The following UBAC2 variants were observed in gnomAD, a reference collection of about 807,000 sequenced individuals.
UBAC2 encodes ubiquitin-associated domain-containing protein 2.
A neutral mutation model predicts 44.0 loss-of-function variants in UBAC2; 26 were observed. That is an observed-to-expected ratio of 0.59 (90% confidence interval 0.43 to 0.82). The LOEUF (loss-of-function observed/expected upper bound fraction) is 0.82, where lower values mean the gene tolerates loss of function less well. Among genes scored for constraint, UBAC2 ranks in the 40% least tolerant of loss-of-function variants. UBAC2 has a pLI of 0.00. For synonymous variants in UBAC2, 155 were observed against 154.3 expected (o/e 1.00, Z -0.04); for missense variants, 329 against 419.4 (o/e 0.78, Z 1.88).
At position 99,247,195 on chromosome 13, in the gene UBAC2, GTTT is replaced by G. The variant is rs397947831; in HGVS notation, c.389+2582_389+2584del. On this transcript the variant is annotated intron_variant, in intron 4 of 8. Coordinates refer to ENST00000403766, the MANE Select transcript of UBAC2 (RefSeq NM_001144072.2). ...CAAAAACTAAAGAGAGAAAACTACT[GTTT>G]TTTTTTTTTTGTTTTGTTTTGTTTT... Among the ~76,000 whole-genome samples, 3 of 95,376 alleles carry G rather than the reference GTTT, an allele frequency of 3.1e-5. No individual in the cohort carries two copies. In the South Asian group the frequency reaches 8.3e-4, roughly 26 times the overall value. 62.6% of individuals were successfully genotyped at this position (95,376 alleles called of 152,430 possible).
At chr13:99,271,905 A>T (rs1354470094) in intron 4 of UBAC2, among the ~76,000 whole-genome samples, 1 of 152,160 alleles carries the variant, frequency 6.6e-6, no homozygotes, top group Admixed American at 6.5e-5. Flanking sequence ...CTCCCAGACC[A>T]TTCAAGTGGG....
chr13:99,374,804 G>A (rs1021707292), intron 8 of UBAC2, among the ~76,000 whole-genome samples: 1 of 152,176 alleles, frequency 6.6e-6, no homozygotes, highest in African/African-American at 2.4e-5. Context: ...TGTGGACAGC[G>A]AGCTTCCTGA....
intron 1 of UBAC2, chr13:99,215,605 CG>C: frequency 7.6e-7 from 1 of 1,323,176 alleles, no homozygotes; most frequent in Non-Finnish European, 1.1e-6. Flanking sequence ...CTGTACACAG[CG>C]GCAGTTGCAC....
chr13:99,336,191 T>G (rs2044786629), intron 6 of UBAC2, among the ~76,000 whole-genome samples: 1 of 152,202 alleles, frequency 6.6e-6, no homozygotes, highest in Non-Finnish European at 1.5e-5. Flanking sequence ...AAAACTGGGC[T>G]CTTTCTTACA....
chr13:99,254,837 A>C, intron 4 of UBAC2: 1 of 1,512,178 alleles, frequency 6.6e-7, no homozygotes, highest in Non-Finnish European at 9.0e-7. Context: ...TAGTTAGTGA[A>C]GTGAATTTTG....
rs548022612 is a variant in UBAC2 at position 99,314,633 on chromosome 13, C to T, written c.513+413C>T. The T allele has an allele frequency of 3.4e-4, 52 of 154,564 alleles. No homozygotes were observed. In the South Asian group the frequency reaches 5.0e-3, roughly 15 times the overall value. 9.6% of individuals were successfully genotyped at this position (154,564 alleles called of 1,614,324 possible). A position where few individuals can be genotyped will look rare whatever the true frequency, so the allele number is the denominator to read the frequency against. ...CAAATAAAGCTCTGAAGAAGAAACC[C>T]GGTGTGCTCTACCAACCCGAGCTTT... On this transcript the variant is annotated intron_variant, in intron 5 of 8. Coordinates refer to ENST00000403766, the MANE Select transcript of UBAC2 (RefSeq NM_001144072.2).
intron 8 of UBAC2, among the ~76,000 whole-genome samples, chr13:99,368,723 G>GTGTA (rs1555332932): frequency 1.6e-4 from 24 of 148,972 alleles, no homozygotes; most frequent in African/African-American, 6.0e-4. Context: ...GTGTGTGTGT[G>GTGTA]TGTACACATA....
intron 7 of UBAC2, among the ~76,000 whole-genome samples, chr13:99,344,801 CAGTT>C (rs763400434): frequency 2.6e-5 from 4 of 152,212 alleles, no homozygotes; most frequent in Non-Finnish European, 5.9e-5. Context: ...CACAGTTAGA[CAGTT>C]AGACTGCTTG....
intron 4 of UBAC2, among the ~76,000 whole-genome samples, chr13:99,294,057 T>C (rs892702461): frequency 2.6e-5 from 4 of 152,144 alleles, no homozygotes; most frequent in Non-Finnish European, 5.9e-5. Context: ...TCAGCAAGTA[T>C]ATAATATTGT....
intron 7 of UBAC2, among the ~76,000 whole-genome samples, chr13:99,364,025 CTT>C (rs1164277636): frequency 1.1e-4 from 17 of 152,146 alleles, no homozygotes; most frequent in African/African-American, 4.1e-4. Context: ...ATCATACTCT[CTT>C]GTTCTCATGC....
intron 4 of UBAC2, among the ~76,000 whole-genome samples, chr13:99,247,866 T>C (rs1429788009): frequency 9.6e-6 from 1 of 103,824 alleles, no homozygotes; most frequent in Non-Finnish European, 2.6e-5. Context: ...TTTAATTCTC[T>C]CTCTCTCTTT....
chr13:99,320,815 C>G (rs144497125), intron 6 of UBAC2, among the ~76,000 whole-genome samples: 64 of 152,322 alleles, frequency 4.2e-4, no homozygotes, highest in Non-Finnish European at 8.2e-4. Flanking sequence ...ACACCACTGA[C>G]TATAGGATCC....
rs142930478 is a variant in UBAC2 at position 99,245,939 on chromosome 13, A to C, written c.389+1315A>C. On this transcript the variant is annotated intron_variant, in intron 4 of 8. Coordinates refer to ENST00000403766, the MANE Select transcript of UBAC2 (RefSeq NM_001144072.2). ...CATGTAAATGACCTCCAAGCATCTG[A>C]ATGAAGTATCTGAGACACTATTTGG... 4.6e-5 allele frequency among the ~76,000 whole-genome samples: 7 copies of C among 152,382 alleles called. 1 individual carries two copies. The East Asian group carries it at 1.3e-3, about 29-fold the overall frequency.
chr13:99,354,899 C>T (rs2045153502), intron 7 of UBAC2, among the ~76,000 whole-genome samples: 1 of 151,958 alleles, frequency 6.6e-6, no homozygotes, highest in Admixed American at 6.5e-5. Context: ...GGCAGATCCT[C>T]TCCCAGGGGA....
intron 7 of UBAC2, among the ~76,000 whole-genome samples, chr13:99,347,488 C>A (rs2045009178): frequency 6.6e-6 from 1 of 152,096 alleles, no homozygotes; most frequent in Non-Finnish European, 1.5e-5. Context: ...TCTGTTCTGA[C>A]TGGCTGCCCT....
intron 4 of UBAC2, chr13:99,254,820 G>T: frequency 1.5e-6 from 2 of 1,340,622 alleles, no homozygotes; most frequent in Non-Finnish European, 2.1e-6. Context: ...ATCCATTGAC[G>T]CCAGAGTAGT....
chr13:99,241,609 A>G (rs985446548), intron 2 of UBAC2, among the ~76,000 whole-genome samples: 1 of 152,164 alleles, frequency 6.6e-6, no homozygotes, highest in East Asian at 1.9e-4. Context: ...GGAAGTTAGC[A>G]TGGCATTTCT....
At chr13:99,342,447 C>T (rs1394509353) in intron 7 of UBAC2, among the ~76,000 whole-genome samples, 4 of 152,096 alleles carry the variant, frequency 2.6e-5, no homozygotes, top group Admixed American at 1.3e-4. Flanking sequence ...ATAGTCTCGG[C>T]GCTGAGTGAC....
chr13:99,342,679 G>C (rs1175211804), intron 7 of UBAC2, among the ~76,000 whole-genome samples: 1 of 152,182 alleles, frequency 6.6e-6, no homozygotes, highest in Admixed American at 6.5e-5. Flanking sequence ...TTCTGTGGTG[G>C]ATGCCCGTGG....
Sources: allele counts gnomAD v4.1 joint callset (sites outside exome capture counted in the v4.1 genomes callset), GRCh38; gene constraint gnomAD v4.1.1; transcripts MANE v1.5; gene names NCBI Gene and HGNC (gene_info 2026-07-23, HGNC 2026-07-21).